AKR1C3: variants seen among roughly 807,000 people sequenced by gnomAD.
AKR1C3 encodes aldo-keto reductase family 1 member C3, also known as 3-alpha hydroxysteroid dehydrogenase, type II.
A neutral mutation model predicts 43.6 loss-of-function variants in AKR1C3; 48 were observed. The ratio of observed to expected loss-of-function variants is 1.10; its 90% confidence interval spans 0.87 to 1.40. The LOEUF (loss-of-function observed/expected upper bound fraction) is 1.40, where lower values mean the gene tolerates loss of function less well. Ranked by LOEUF, AKR1C3 falls within the 40% of genes most tolerant of loss-of-function variation. AKR1C3 has a pLI of 0.00. For synonymous variants in AKR1C3, 162 were observed against 139.6 expected (o/e 1.16, Z -1.13); for missense variants, 482 against 391.2 (o/e 1.23, Z -1.96).
chr10:5,084,781 GA>G (rs2131822194), intron 1 of AKR1C3, among the ~76,000 whole-genome samples: 1 of 152,254 alleles, frequency 6.6e-6, no homozygotes, highest in Non-Finnish European at 1.5e-5. Flanking sequence ...TCTCCTTGAA[GA>G]GGTCCTTCAC....
At chr10:5,053,893 A>C (rs1270718570) in intron 1 of AKR1C3, among the ~76,000 whole-genome samples, 6 of 152,216 alleles carry the variant, frequency 3.9e-5, no homozygotes, top group Non-Finnish European at 8.8e-5. Flanking sequence ...CTGTAGCTTG[A>C]TGGCCTTGAT....
chr10:5,059,833 G>A (rs1838344573), intron 1 of AKR1C3, among the ~76,000 whole-genome samples: 1 of 152,180 alleles, frequency 6.6e-6, no homozygotes, highest in Non-Finnish European at 1.5e-5. Flanking sequence ...TCCCTTCGTG[G>A]TCGCCAAAAT....
intron 1 of AKR1C3, chr10:5,078,030 G>T: frequency 1.5e-6 from 1 of 664,960 alleles, no homozygotes; most frequent in Non-Finnish European, 2.7e-6. Context: ...CTGAAAATAT[G>T]ATTACTATAT....
chr10:5,091,907 T>C (rs1400592956), upstream of AKR1C3, among the ~76,000 whole-genome samples: 3 of 152,166 alleles, frequency 2.0e-5, no homozygotes, highest in African/African-American at 7.2e-5. Flanking sequence ...TACTTCTATA[T>C]GGTTTCAGGT....
chr10:5,100,641 G>A (rs530415987), intron 5 of AKR1C3, among the ~76,000 whole-genome samples: 1 of 152,070 alleles, frequency 6.6e-6, no homozygotes, highest in Admixed American at 6.5e-5. Flanking sequence ...ATACAACTTA[G>A]AGCCAATGAG....
chr10:5,101,728 G>GTCTT (rs1330598540), intron 5 of AKR1C3, among the ~76,000 whole-genome samples: 1 of 152,088 alleles, frequency 6.6e-6, no homozygotes, highest in Non-Finnish European at 1.5e-5. Flanking sequence ...TAGTGCTTTT[G>GTCTT]TCTTTCAGAC....
At chr10:5,089,799 A>G (rs1839047102), upstream of AKR1C3, among the ~76,000 whole-genome samples, 1 of 152,128 alleles carries the variant, frequency 6.6e-6, no homozygotes, top group Admixed American at 6.6e-5. Flanking sequence ...GTACCACAAC[A>G]TTCAGATTTT....
At chr10:5,075,664 T>C (rs1838701072) in intron 1 of AKR1C3, among the ~76,000 whole-genome samples, 3 of 151,896 alleles carry the variant, frequency 2.0e-5, no homozygotes. Context: ...CACCTGAGGT[T>C]GGGAGTTTGA....
intron 3 of AKR1C3, 24 bp from the exon 4 acceptor site, chr10:5,098,778 T>A (rs1839276175): frequency 6.2e-7 from 1 of 1,607,260 alleles, no homozygotes; most frequent in Admixed American, 1.7e-5. Context: ...TGTGACATCA[T>A]TAAAATGACT....
In AKR1C3 at chr10:5,075,788, C is replaced by T. The variant is rs200738805; in HGVS notation, c.85-20622C>T. Among the ~76,000 whole-genome samples, 5 of 151,976 alleles carry T rather than the reference C, an allele frequency of 3.3e-5. No homozygotes were observed. The East Asian group carries it at 7.7e-4, about 23-fold the overall frequency. On this transcript the variant is annotated intron_variant, in intron 1 of 8. Coordinates refer to the AKR1C3 transcript ENST00000439082. ...ACTCGGGAGGCTGAGGCAGGAGAAT[C>T]ACTTGAACCCGGGAGGCAGAGGTTG...
chr10:5,060,147 C>G (rs1338624527), intron 1 of AKR1C3, among the ~76,000 whole-genome samples: 1 of 152,130 alleles, frequency 6.6e-6, no homozygotes, highest in African/African-American at 2.4e-5. Flanking sequence ...CATGGTGTTA[C>G]AGCTCATAAA....
intron 1 of AKR1C3, among the ~76,000 whole-genome samples, chr10:5,053,223 C>T (rs2131773303): frequency 6.6e-6 from 1 of 152,358 alleles, no homozygotes; most frequent in South Asian, 2.1e-4. Flanking sequence ...AGGCTCCAGC[C>T]ACACAGGAGC....
rs1280087030 is a variant in AKR1C3, at chr10:5,105,691, G to A, written c.929+14G>A. 5.0e-6 allele frequency: 8 copies of A among 1,586,982 alleles called. No individual in the cohort carries two copies. The highest frequency in any genetic ancestry group is 4.0e-5 in the African/African-American group (3 of 74,380). On this transcript the variant is annotated intron_variant, in intron 8 of 8. Coordinates refer to ENST00000380554, the MANE Select transcript of AKR1C3 (RefSeq NM_003739.6). ...TAACAGTGATAGGTAAGTTTCCTTT[G>A]TAAATGGGTGATCTAATTTATTTCT...
At chr10:5,093,254 C>A (rs1554784606), upstream of AKR1C3, among the ~76,000 whole-genome samples, 1 of 152,112 alleles carries the variant, frequency 6.6e-6, no homozygotes, top group Non-Finnish European at 1.5e-5. Context: ...CAGATCACTT[C>A]TTGACGCGTC....
chr10:5,078,385 A>G (rs1838759603), intron 1 of AKR1C3, among the ~76,000 whole-genome samples: 2 of 152,230 alleles, frequency 1.3e-5, no homozygotes, highest in South Asian at 4.1e-4. Context: ...CGGACGTTGC[A>G]GTGAACTGAT....
intron 1 of AKR1C3, among the ~76,000 whole-genome samples, chr10:5,074,694 T>C (rs1554781645): frequency 6.6e-6 from 1 of 152,112 alleles, no homozygotes; most frequent in Non-Finnish European, 1.5e-5. Context: ...CCTCCCTCTT[T>C]TGGTTCCTAA....
chr10:5,082,272 TTTTA>T (rs1326904595), intron 1 of AKR1C3, among the ~76,000 whole-genome samples: 2 of 152,274 alleles, frequency 1.3e-5, no homozygotes, highest in Middle Eastern at 3.4e-3. Flanking sequence ...CTTAAATGCC[TTTTA>T]TTTATTTTCT....
intron 1 of AKR1C3, among the ~76,000 whole-genome samples, chr10:5,069,700 C>G (rs1838580154): frequency 6.6e-6 from 1 of 152,064 alleles, no homozygotes; most frequent in East Asian, 1.9e-4. Flanking sequence ...CATGGTGAAA[C>G]CCCCGTCTAC....
At chr10:5,104,745 A>G (rs1300489649) in intron 7 of AKR1C3, among the ~76,000 whole-genome samples, 1 of 152,152 alleles carries the variant, frequency 6.6e-6, no homozygotes, top group Admixed American at 6.5e-5. Context: ...TAATATATAT[A>G]TCATTAATTT....
Sources: gnomAD v4.1 joint callset for allele counts (sites outside exome capture counted in the v4.1 genomes callset) on GRCh38, gnomAD v4.1.1 for gene constraint, MANE v1.5 for transcripts, NCBI Gene and HGNC (gene_info 2026-07-23, HGNC 2026-07-21) for gene names.